Variants in ADAM12 observed in about 807,000 individuals in gnomAD.
ADAM12 encodes ADAM metallopeptidase domain 12.
In ADAM12, 70 loss-of-function variants were observed where a neutral mutation model predicts 106.4. The ratio of observed to expected loss-of-function variants is 0.66; its 90% confidence interval spans 0.54 to 0.80. The LOEUF is 0.80. Among genes scored for constraint, ADAM12 ranks in the 30% least tolerant of loss-of-function variants. The pLI, the probability that ADAM12 is intolerant of heterozygous loss-of-function variation, is 0.00. For missense variants in ADAM12, 1,010 were observed against 1,171.9 expected, an observed-to-expected ratio of 0.86 and a Z score of 2.02; for synonymous variants, 420 against 433.5, an observed-to-expected ratio of 0.97 and a Z score of 0.39.
At chr10:126,322,709 C>T (rs964175251) in intron 2 of ADAM12, among the ~76,000 whole-genome samples, 2 of 152,200 alleles carry the variant, frequency 1.3e-5, no homozygotes, top group African/African-American at 4.8e-5. Context: ...GGAAACAAAG[C>T]CTGAGCAAGG....
intron 1 of ADAM12, among the ~76,000 whole-genome samples, chr10:126,366,788 G>A (rs1451699195): frequency 6.6e-6 from 1 of 152,130 alleles, no homozygotes; most frequent in African/African-American, 2.4e-5. Flanking sequence ...CCATATCAAT[G>A]TTAGTCAAAG....
At chr10:126,275,661 G>GAGTAGAT (rs1959222723) in intron 3 of ADAM12, among the ~76,000 whole-genome samples, 1 of 152,116 alleles carries the variant, frequency 6.6e-6, no homozygotes, top group Non-Finnish European at 1.5e-5. Context: ...AATATTCAAT[G>GAGTAGAT]AGTAGATATT....
Position 126,278,974 on chromosome 10 carries a change from C to G in ADAM12, c.201G>C (p.Val67=), listed in dbSNP as rs375664029. The change falls in exon 3 of 23, where the codon GTG becomes GTC. Residue 67 remains valine, a synonymous_variant. Transcript: ENST00000448723. ...TTTCCCGTTGTAGTCGAATATTCAG[C>G]ACTTCTGGATGATTCTGAAAGATAA... ...KSFDSKNHPE[V]LNIRLQRESK... 2.0e-4 allele frequency: 326 copies of G among 1,612,932 alleles called. 1 individual carries two copies. The highest frequency in any genetic ancestry group is 2.6e-4 in the Non-Finnish European group (310 of 1,179,312).
chr10:126,095,949 A>G (rs748602119), intron 10 of ADAM12, among the ~76,000 whole-genome samples: 3 of 152,258 alleles, frequency 2.0e-5, no homozygotes, highest in Non-Finnish European at 2.9e-5. Context: ...GCTCCTGGAT[A>G]AAAGTGTGCT....
intron 4 of ADAM12, among the ~76,000 whole-genome samples, chr10:126,143,550 C>T (rs11817891): frequency 0.33 from 48,869 of 148,762 alleles, 8,233 homozygotes; most frequent in Non-Finnish European, 0.38. Flanking sequence ...TGGGTATGCA[C>T]GCATGTATAT....
At chr10:126,169,938 G>A (rs878980851) in intron 3 of ADAM12, among the ~76,000 whole-genome samples, 1 of 152,182 alleles carries the variant, frequency 6.6e-6, no homozygotes, top group Admixed American at 6.5e-5. Flanking sequence ...GGCATCTTCC[G>A]CCTAGCCCAA....
chr10:126,319,720 T>C (rs1043176494), intron 2 of ADAM12, among the ~76,000 whole-genome samples: 5 of 152,200 alleles, frequency 3.3e-5, no homozygotes, highest in Non-Finnish European at 5.9e-5. Context: ...AATAATCCAC[T>C]GATAAGGGCT....
At chr10:126,088,813 A>G (rs1170056207) in intron 11 of ADAM12, among the ~76,000 whole-genome samples, 1 of 152,014 alleles carries the variant, frequency 6.6e-6, no homozygotes, top group Non-Finnish European at 1.5e-5. Context: ...CAGGTGTGCC[A>G]TGAATGTGTC....
rs544238162 is a variant in ADAM12, at chr10:126,084,852, A to C, written c.1145+9133T>G. Among the ~76,000 whole-genome samples the C allele has an allele frequency of 5.3e-5, 8 of 152,328 alleles. 1 individual carries two copies. The East Asian group carries it at 1.5e-3, about 29-fold the overall frequency. Reference sequence around the variant, plus strand: ...ATCAGGAGCCTGAGGCTGCAGGCTGAGATCCAGAATGACCCTGACCACCTG... The same window carrying C: ...ATCAGGAGCCTGAGGCTGCAGGCTGCGATCCAGAATGACCCTGACCACCTG... On this transcript the variant is annotated intron_variant, in intron 11 of 22. Transcript: ENST00000448723.
chr10:126,113,333 T>C (rs961136647), intron 6 of ADAM12, among the ~76,000 whole-genome samples: 5 of 152,054 alleles, frequency 3.3e-5, no homozygotes, highest in African/African-American at 1.2e-4. Context: ...AGCCTAATAA[T>C]CTAAGAGCAT....
intron 3 of ADAM12, among the ~76,000 whole-genome samples, chr10:126,267,339 C>A (rs1047048312): frequency 6.6e-6 from 1 of 152,158 alleles, no homozygotes; most frequent in African/African-American, 2.4e-5. Context: ...CAGGATGATT[C>A]CAGCACATTG....
intron 3 of ADAM12, among the ~76,000 whole-genome samples, chr10:126,192,270 TA>T (rs1444817701): frequency 6.6e-6 from 1 of 152,218 alleles, no homozygotes; most frequent in Non-Finnish European, 1.5e-5. Context: ...TGAGTTAATA[TA>T]CATACATAAA....
intron 3 of ADAM12, among the ~76,000 whole-genome samples, chr10:126,276,700 T>C (rs1347478581): frequency 2.0e-5 from 3 of 152,236 alleles, no homozygotes; most frequent in Non-Finnish European, 2.9e-5. Context: ...ACATTTTCTA[T>C]GTATTTTTGA....
chr10:126,238,388 A>G (rs1405454381), intron 3 of ADAM12, among the ~76,000 whole-genome samples: 1 of 152,170 alleles, frequency 6.6e-6, no homozygotes, highest in Non-Finnish European at 1.5e-5. Flanking sequence ...CTGGGGCAGG[A>G]GAATCGCTTG....
At chr10:126,157,593 G>C (rs36051225) in intron 3 of ADAM12, among the ~76,000 whole-genome samples, 1 of 152,168 alleles carries the variant, frequency 6.6e-6, no homozygotes, top group Admixed American at 6.5e-5. Flanking sequence ...ACTTAACAGC[G>C]AGTGTTTGAG....
rs116619428 is a variant in ADAM12, at chr10:126,040,616, T to C, written c.2105-1187A>G. On this transcript the variant is annotated intron_variant, in intron 18 of 22. Coordinates refer to ENST00000448723, the MANE Select transcript of ADAM12 (RefSeq NM_001288973.2). ...GTTACTGGAAAAGCATTGCTTCTGG[T>C]TTCCTGGGCAAAATGTCACTCTTTT... is the stretch of plus-strand genomic sequence containing the variant. Among the ~76,000 whole-genome samples the C allele has an allele frequency of 3.5e-3, 529 of 152,300 alleles. 1 individual carries two copies. The highest frequency in any genetic ancestry group is 0.012 in the African/African-American group (500 of 41,552).
chr10:126,367,977 T>A (rs1198481561), intron 1 of ADAM12, among the ~76,000 whole-genome samples: 2 of 151,768 alleles, frequency 1.3e-5, no homozygotes, highest in African/African-American at 4.8e-5. Flanking sequence ...ATAAGAAAAA[T>A]AGCACTATCT....
chr10:126,038,248 G>T lies in ADAM12; in HGVS notation c.2342C>A (p.Pro781Gln). 1 of 1,609,432 alleles carries T rather than the reference G, an allele frequency of 6.2e-7. No homozygotes were observed. Among genetic ancestry groups the T allele is most frequent in the Non-Finnish European group, 8.5e-7 (1 of 1,178,082 alleles). Reference protein sequence around the residue: ...GLMRKPPDSYPPKDNPRRLLQ... With the variant: ...GLMRKPPDSYQPKDNPRRLLQ... ...CATCTACTCAAGACTCACCTTCGGT[G>T]GGTAGGAATCTGGCGGCTTCCTCAT... is the stretch of plus-strand genomic sequence containing the variant. Residue 781 changes from proline (P) to glutamine (Q), a missense_variant, in exon 20 of 23, where the codon CCA (proline) becomes CAA (glutamine). Pro to Gln is a moderately conservative substitution (Grantham distance 76). This residue lies in a region of ADAM12 where 615 missense variants were observed against 708.5 expected (regional missense o/e 0.87). Transcript: ENST00000448723.
At chr10:126,334,172 G>A (rs1854615027) in intron 1 of ADAM12, among the ~76,000 whole-genome samples, 2 of 152,142 alleles carry the variant, frequency 1.3e-5, no homozygotes, top group South Asian at 2.1e-4. Context: ...ATATTTTATG[G>A]AGTGATCTTA....
Sources: gnomAD v4.1 joint callset for allele counts (sites outside exome capture counted in the v4.1 genomes callset) on GRCh38, gnomAD v4.1.1 for gene constraint, gnomAD v4.1.1 regional missense constraint, MANE v1.5 for transcripts, NCBI Gene and HGNC (gene_info 2026-07-23, HGNC 2026-07-21) for gene names.